SPTLC3: variants seen among roughly 807,000 people sequenced by gnomAD.
SPTLC3 encodes the protein serine palmitoyltransferase 3.
Under a neutral mutation model 59.3 loss-of-function variants are expected in SPTLC3, and 36 were observed. That is an observed-to-expected ratio of 0.61 (90% confidence interval 0.47 to 0.80). SPTLC3 has a LOEUF of 0.80. Among genes scored for constraint, SPTLC3 ranks in the 30% least tolerant of loss-of-function variants. SPTLC3 has a pLI of 0.00. For missense variants in SPTLC3, 625 were observed against 685.1 expected, an observed-to-expected ratio of 0.91 and a Z score of 0.98; for synonymous variants, 257 against 240.8, an observed-to-expected ratio of 1.07 and a Z score of -0.62.
At chr20:13,106,688 G>A (rs1989918560) in intron 6 of SPTLC3, among the ~76,000 whole-genome samples, 1 of 152,156 alleles carries the variant, frequency 6.6e-6, no homozygotes. Context: ...CTCACTGGAG[G>A]CTGCAGGTGA....
rs565342452 is a variant in SPTLC3, at chr20:13,040,298, T to C, written c.118-8647T>C. ...AAGTTCAACAATGAATTTATACATA[T>C]TGTTTTATACAATTTCTTTTAAAAT... is the stretch of plus-strand genomic sequence containing the variant. On this transcript the variant is annotated intron_variant, in intron 1 of 11. Coordinates refer to ENST00000399002, the MANE Select transcript of SPTLC3 (RefSeq NM_018327.4). Among the ~76,000 whole-genome samples the C allele has an allele frequency of 2.6e-5, 4 of 152,334 alleles. No homozygotes were observed. In the East Asian group the frequency reaches 7.7e-4, roughly 29 times the overall value.
intron 2 of SPTLC3, among the ~76,000 whole-genome samples, chr20:13,070,302 C>T (rs6078912): frequency 6.6e-6 from 1 of 152,116 alleles, no homozygotes; most frequent in East Asian, 1.9e-4. Flanking sequence ...ACATTCTTTC[C>T]TACAAAAGAA....
At position 13,044,793 on chromosome 20, in the gene SPTLC3, A is replaced by C. The variant is rs1333797719; in HGVS notation, c.118-4152A>C. Among the ~76,000 whole-genome samples, 3 of 152,216 alleles carry C rather than the reference A, an allele frequency of 2.0e-5. No individual in the cohort carries two copies. In the East Asian group the frequency reaches 5.8e-4, roughly 29 times the overall value. ...GGCCTCGAAAAATTAAGTGACTTTC[A>C]CAAGGTCACACAGGCAGCAAAGGAA... is the stretch of plus-strand genomic sequence containing the variant. On this transcript the variant is annotated intron_variant, in intron 1 of 11. Transcript: ENST00000399002.
At chr20:13,046,331 C>T (rs144992142) in intron 1 of SPTLC3, among the ~76,000 whole-genome samples, 1 of 152,200 alleles carries the variant, frequency 6.6e-6, no homozygotes, top group East Asian at 1.9e-4. Flanking sequence ...CAATCACCAC[C>T]CCCAAATTAG....
intron 1 of SPTLC3, among the ~76,000 whole-genome samples, chr20:13,016,387 C>T (rs540965204): frequency 1.3e-5 from 2 of 152,204 alleles, no homozygotes; most frequent in South Asian, 4.2e-4. Flanking sequence ...GTGCTACATG[C>T]CAGGTCCTAC....
At chr20:13,032,700 A>G (rs573903392) in intron 1 of SPTLC3, among the ~76,000 whole-genome samples, 2 of 152,200 alleles carry the variant, frequency 1.3e-5, no homozygotes, top group East Asian at 3.9e-4. Flanking sequence ...CTGGGGACTC[A>G]ATTTAGACCC....
At chr20:13,153,692 A>G (rs2038701547) in intron 9 of SPTLC3, among the ~76,000 whole-genome samples, 3 of 152,162 alleles carry the variant, frequency 2.0e-5, no homozygotes, top group Admixed American at 6.5e-5. Context: ...TTTTTAAGGT[A>G]CTTTGCACAG....
At chr20:13,020,688 T>C (rs1312621024) in intron 1 of SPTLC3, among the ~76,000 whole-genome samples, 3 of 152,150 alleles carry the variant, frequency 2.0e-5, no homozygotes, top group Non-Finnish European at 4.4e-5. Context: ...CCCGCACCCC[T>C]TAGGATGTCC....
chr20:13,115,031 C>T lies in SPTLC3; in HGVS notation c.933-2475C>T, dbSNP rs890457631. Among the ~76,000 whole-genome samples, 51 of 152,192 alleles carry T rather than the reference C, an allele frequency of 3.4e-4. 2 individuals carry two copies. Among genetic ancestry groups the T allele is most frequent in the Admixed American group, 2.0e-4 (3 of 15,268 alleles). ...TCGTGGAATTATCTTTACCTACAGT[C>T]GTGTTTTAGTTGTTTTTCTTCTATT... On this transcript the variant is annotated intron_variant, in intron 7 of 11. Transcript: ENST00000399002.
chr20:13,139,384 A>G lies in SPTLC3; in HGVS notation c.1279+12667A>G, dbSNP rs559501707. Among the ~76,000 whole-genome samples, 6 of 152,350 alleles carry G rather than the reference A, an allele frequency of 3.9e-5. No individual in the cohort carries two copies. The East Asian group carries it at 1.2e-3, about 29-fold the overall frequency. On this transcript the variant is annotated intron_variant, in intron 9 of 11. Transcript: ENST00000399002. ...TGCCAACAAAACTGTGGCTTAACAC[A>G]ATAGAAATTCATTTTTTCCTAACAT...
At chr20:13,122,589 G>A (rs1264214966) in intron 8 of SPTLC3, among the ~76,000 whole-genome samples, 1 of 152,180 alleles carries the variant, frequency 6.6e-6, no homozygotes. Flanking sequence ...CTGTGATTCA[G>A]TTGTTCTGTC....
At chr20:13,116,269 C>T (rs761546027) in intron 7 of SPTLC3, among the ~76,000 whole-genome samples, 7 of 152,136 alleles carry the variant, frequency 4.6e-5, no homozygotes, top group Non-Finnish European at 1.0e-4. Context: ...AAAAAGGAGA[C>T]GTTCAACTCT....
chr20:13,162,880 A>G (rs1464147313), intron 11 of SPTLC3, among the ~76,000 whole-genome samples: 2 of 151,970 alleles, frequency 1.3e-5, no homozygotes, highest in East Asian at 3.9e-4. Flanking sequence ...TAAGATGCCC[A>G]CGGTTCTTCT....
chr20:13,063,299 A>C (rs570345831), intron 2 of SPTLC3, among the ~76,000 whole-genome samples: 91 of 152,322 alleles, frequency 6.0e-4, no homozygotes, highest in Non-Finnish European at 1.0e-3. Flanking sequence ...GAGGAACTCT[A>C]TGTGCTCTTA....
At chr20:13,091,774 T>C (rs543689683) in intron 5 of SPTLC3, among the ~76,000 whole-genome samples, 1 of 152,274 alleles carries the variant, frequency 6.6e-6, no homozygotes, top group South Asian at 2.1e-4. Context: ...AGTCATAATT[T>C]TGGGCTCCTG....
In SPTLC3 at chr20:13,164,842, A is replaced by C. The variant is rs1259616250; in HGVS notation, c.1634A>C (p.Glu545Ala). The change falls in exon 12 of 12, where the codon GAG (glutamate) becomes GCG (alanine). Residue 545 changes from glutamate to alanine, a missense_variant. Coordinates refer to ENST00000399002, the MANE Select transcript of SPTLC3 (RefSeq NM_018327.4). ...TCAGCACGTCCTGAGCTCTATGATG[A>C]GACGAGCTTTGAACTCGAAGATTAA... ...KKSARPELYD[E>A]TSFELED 1.9e-6 allele frequency: 3 copies of C among 1,613,630 alleles called. No individual in the cohort carries two copies. The highest frequency in any genetic ancestry group is 2.5e-6 in the Non-Finnish European group (3 of 1,179,774).
chr20:13,049,348 C>A (rs562071056), intron 2 of SPTLC3: 2 of 501,222 alleles, frequency 4.0e-6, no homozygotes, highest in African/African-American at 3.9e-5. Flanking sequence ...TGCCACATAC[C>A]AAACTAAGGC....
chr20:13,150,566 G>A (rs2038619407), intron 9 of SPTLC3, among the ~76,000 whole-genome samples: 1 of 152,164 alleles, frequency 6.6e-6, no homozygotes, highest in South Asian at 2.1e-4. Context: ...ATAAAACCAA[G>A]GAACACTATT....
At chr20:13,159,962 A>C (rs757409867) in intron 10 of SPTLC3, 41 bp from the exon 11 acceptor site, 3 of 1,487,680 alleles carry the variant, frequency 2.0e-6, no homozygotes. Flanking sequence ...TCTTTTCCCA[A>C]CTAACCACTT....
Sources: allele counts gnomAD v4.1 joint callset (sites outside exome capture counted in the v4.1 genomes callset), GRCh38; gene constraint gnomAD v4.1.1; transcripts MANE v1.5; gene names NCBI Gene and HGNC (gene_info 2026-07-23, HGNC 2026-07-21).